Variants in WFDC8 observed in about 807,000 individuals in gnomAD.
WFDC8 encodes the protein WAP four-disulfide core domain 8, also known as WAP four-disulfide core domain protein 8.
WFDC8 carries 24 observed loss-of-function variants against 27.0 expected under a neutral mutation model. The observed-to-expected ratio is 0.89, with a 90% CI of 0.64 to 1.25. The LOEUF is 1.25. Ranked by LOEUF, WFDC8 falls within the 50% of genes most tolerant of loss-of-function variation. WFDC8 has a pLI of 0.00. For synonymous variants in WFDC8, 106 were observed against 99.7 expected (o/e 1.06, Z -0.38); for missense variants, 287 against 295.9 (o/e 0.97, Z 0.22).
chr20:45,556,243 T>A (rs1168408109), intron 3 of WFDC8, among the ~76,000 whole-genome samples: 2 of 152,248 alleles, frequency 1.3e-5, no homozygotes, highest in Non-Finnish European at 2.9e-5. Context: ...GATATTAGAA[T>A]ACATTCTTAA....
chr20:45,575,221 G>A (rs768249192), intron 1 of WFDC8, among the ~76,000 whole-genome samples: 2 of 152,118 alleles, frequency 1.3e-5, no homozygotes, highest in Non-Finnish European at 2.9e-5. Context: ...GAAAGAAAGC[G>A]ACGAAATTGC....
chr20:45,565,119 A>G (rs1455058640), intron 1 of WFDC8, among the ~76,000 whole-genome samples: 2 of 147,018 alleles, frequency 1.4e-5, no homozygotes, highest in Non-Finnish European at 1.5e-5. Flanking sequence ...AAGGAAGGAG[A>G]GAAGGAAGGA....
At chr20:45,551,699 A>C (rs967937134), downstream of WFDC8, 7 of 188,000 alleles carry the variant, frequency 3.7e-5, no homozygotes, top group African/African-American at 1.6e-4. Context: ...TTCCAAATTC[A>C]ACAACAAATA....
chr20:45,566,675 CAAAAA>C (rs1980690155), intron 1 of WFDC8, among the ~76,000 whole-genome samples: 1 of 151,938 alleles, frequency 6.6e-6, no homozygotes, highest in Admixed American at 6.6e-5. Context: ...AAACAAAAAA[CAAAAA>C]ATAATAAAAT....
At chr20:45,559,082 C>T in intron 2 of WFDC8, 90 bp from the exon 3 acceptor site, 1 of 1,519,038 alleles carries the variant, frequency 6.6e-7, no homozygotes. Flanking sequence ...ATTCTCTCAG[C>T]CCTATCCTCT....
At chr20:45,553,308 A>AC (rs776414494) in intron 4 of WFDC8, 32 bp from the exon 5 acceptor site, 9 of 1,594,310 alleles carry the variant, frequency 5.6e-6, no homozygotes, top group Non-Finnish European at 7.7e-6. Flanking sequence ...GCTTCTTAAA[A>AC]CCCCACCCCC....
intron 3 of WFDC8, among the ~76,000 whole-genome samples, chr20:45,558,292 A>C (rs1205676021): frequency 6.6e-6 from 1 of 152,224 alleles, no homozygotes; most frequent in Non-Finnish European, 1.5e-5. Context: ...ATACTTGTCT[A>C]GGGTGAATCT....
At chr20:45,565,517 T>A (rs1003464995) in intron 1 of WFDC8, among the ~76,000 whole-genome samples, 5 of 58,974 alleles carry the variant, frequency 8.5e-5, no homozygotes, top group Non-Finnish European at 2.2e-4. Flanking sequence ...CTCTTTAAAT[T>A]TTTTTTTAAA....
intron 1 of WFDC8, chr20:45,568,353 AT>A (rs1005408649): frequency 4.6e-5 from 11 of 241,452 alleles, no homozygotes; most frequent in Non-Finnish European, 9.4e-5. Flanking sequence ...AGTCACTGTT[AT>A]TTTTTTCTTG....
chr20:45,573,209 CT>C (rs1980929010), intron 1 of WFDC8, among the ~76,000 whole-genome samples: 1 of 152,216 alleles, frequency 6.6e-6, no homozygotes, highest in South Asian at 2.1e-4. Context: ...TGTAATGGAG[CT>C]TTCCCCCTAT....
At chr20:45,564,561 C>T (rs1980579315) in intron 1 of WFDC8, among the ~76,000 whole-genome samples, 1 of 151,764 alleles carries the variant, frequency 6.6e-6, no homozygotes, top group African/African-American at 2.4e-5. Context: ...GTAGTCCCAG[C>T]TATTCGGGAG....
At chr20:45,572,567 C>T (rs566193359) in intron 1 of WFDC8, among the ~76,000 whole-genome samples, 1 of 151,992 alleles carries the variant, frequency 6.6e-6, no homozygotes, top group Admixed American at 6.5e-5. Flanking sequence ...TCTCATAAAC[C>T]TATTGGCTAT....
chr20:45,566,504 A>G (rs906506535), intron 1 of WFDC8, among the ~76,000 whole-genome samples: 1 of 152,028 alleles, frequency 6.6e-6, no homozygotes, highest in Non-Finnish European at 1.5e-5. Flanking sequence ...TCTACTAAAA[A>G]ATACAAAAAT....
At chr20:45,557,434 GT>G (rs201100933) in intron 3 of WFDC8, among the ~76,000 whole-genome samples, 3 of 151,150 alleles carry the variant, frequency 2.0e-5, no homozygotes, top group Non-Finnish European at 4.4e-5. Flanking sequence ...ATTTTCTTTT[GT>G]TTTTTTTTGT....
chr20:45,553,262 A>G lies in WFDC8; in HGVS notation c.460T>C (p.Cys154Arg), dbSNP rs1670729674. Residue 154 changes from cysteine to arginine, a missense_variant, in exon 5 of 6, where the codon TGC (cysteine) becomes CGC (arginine). By Grantham distance (180) the Cys-to-Arg change is radical. Transcript: ENST00000289953. ...CGTTCAGTGAAAGGGAAGAGTGGGC[A>G]TTGTCCATCCTTAACTAAAATAAGA... Reference protein sequence around the residue: ...ACMLIVKDGQCPLFPFTERKE... With the variant: ...ACMLIVKDGQRPLFPFTERKE... 6.2e-7 allele frequency: 1 copy of G among 1,613,568 alleles called. No individual in the cohort carries two copies. Among genetic ancestry groups the G allele is most frequent in the Admixed American group, 1.7e-5 (1 of 59,992 alleles).
At chr20:45,570,027 C>G (rs1980815883) in intron 1 of WFDC8, among the ~76,000 whole-genome samples, 1 of 151,894 alleles carries the variant, frequency 6.6e-6, no homozygotes, top group Non-Finnish European at 1.5e-5. Context: ...GACACTGAAG[C>G]CTATGGGAGG....
At chr20:45,561,981 G>A (rs1194139820) in intron 2 of WFDC8, 129 bp downstream of exon 2, 3 of 762,846 alleles carry the variant, frequency 3.9e-6, no homozygotes, top group African/African-American at 3.5e-5. Context: ...CGTGAGCAGG[G>A]GTAGCTTTCT....
chr20:45,575,799 G>T (rs2145579047), intron 1 of WFDC8, among the ~76,000 whole-genome samples: 1 of 151,380 alleles, frequency 6.6e-6, no homozygotes, highest in Non-Finnish European at 1.5e-5. Context: ...GTTCTCCCCA[G>T]TTAGGCGCTT....
chr20:45,555,199 C>A (rs1324468816), intron 4 of WFDC8, among the ~76,000 whole-genome samples: 1 of 152,196 alleles, frequency 6.6e-6, no homozygotes, highest in Non-Finnish European at 1.5e-5. Context: ...TTTGGTAGGA[C>A]ACTGTTTCCC....
Sources: allele counts gnomAD v4.1 joint callset (sites outside exome capture counted in the v4.1 genomes callset), GRCh38; gene constraint gnomAD v4.1.1; transcripts MANE v1.5; gene names NCBI Gene and HGNC (gene_info 2026-07-23, HGNC 2026-07-21).